The following MTA3 variants were observed in gnomAD, a reference collection of about 807,000 sequenced individuals.
MTA3 encodes metastasis-associated protein MTA3.
Under a neutral mutation model 83.5 loss-of-function variants are expected in MTA3, and 34 were observed. The observed-to-expected ratio is 0.41, with a 90% CI of 0.31 to 0.54. MTA3 has a LOEUF of 0.54. Ranked by LOEUF, MTA3 falls within the 20% of genes least tolerant of loss-of-function variation. MTA3 has a pLI of 0.33. For synonymous variants in MTA3, 303 were observed against 252.7 expected (o/e 1.20, Z -1.89); for missense variants, 761 against 726.4 (o/e 1.05, Z -0.55).
At chr2:42,692,535 G>A (rs150663835) in intron 9 of MTA3, among the ~76,000 whole-genome samples, 2,042 of 150,780 alleles carry the variant, frequency 0.014, 39 homozygotes, top group African/African-American at 0.046. Flanking sequence ...AGCAATTCTC[G>A]TGCCTCAGCC....
At chr2:42,650,259 G>A (rs1256688658) in intron 6 of MTA3, among the ~76,000 whole-genome samples, 1 of 152,128 alleles carries the variant, frequency 6.6e-6, no homozygotes, top group African/African-American at 2.4e-5. Context: ...GGTAGAGGTG[G>A]GAAGGGGCAC....
At chr2:42,640,940 T>C (rs2104300974) in intron 5 of MTA3, among the ~76,000 whole-genome samples, 2 of 152,286 alleles carry the variant, frequency 1.3e-5, no homozygotes, top group South Asian at 4.1e-4. Flanking sequence ...AAAGTCTTGC[T>C]CTGTCCCCCA....
intron 2 of MTA3, among the ~76,000 whole-genome samples, chr2:42,549,588 TTATATA>T (rs1677006129): frequency 8.4e-6 from 1 of 118,490 alleles, no homozygotes; most frequent in African/African-American, 3.5e-5. Context: ...ATATAATATA[TTATATA>T]CATATACATA....
intron 2 of MTA3, among the ~76,000 whole-genome samples, chr2:42,550,623 G>A (rs565913740): frequency 1.3e-5 from 2 of 152,174 alleles, no homozygotes; most frequent in Non-Finnish European, 2.9e-5. Context: ...GGGGAGAAAG[G>A]CGCTGGGACA....
chr2:42,690,549 C>T (rs1692783288), intron 9 of MTA3, among the ~76,000 whole-genome samples: 4 of 150,700 alleles, frequency 2.7e-5, no homozygotes, highest in Admixed American at 2.6e-4. Context: ...TTTTTGTTTT[C>T]CATTAATTTT....
At chr2:42,656,472 TTC>T (rs1297842985) in intron 7 of MTA3, among the ~76,000 whole-genome samples, 170 bp downstream of exon 7, 1 of 152,228 alleles carries the variant, frequency 6.6e-6, no homozygotes, top group Non-Finnish European at 1.5e-5. Flanking sequence ...TTTTATTAAT[TTC>T]TGTTTTAAAT....
intron 3 of MTA3, among the ~76,000 whole-genome samples, chr2:42,579,712 G>A (rs541067387): frequency 6.6e-6 from 1 of 152,154 alleles, no homozygotes; most frequent in African/African-American, 2.4e-5. Context: ...CCTGTTTTCA[G>A]TGGTGGATTT....
chr2:42,583,666 G>C (rs1202646741), intron 3 of MTA3, among the ~76,000 whole-genome samples: 1 of 151,968 alleles, frequency 6.6e-6, no homozygotes, highest in Non-Finnish European at 1.5e-5. Flanking sequence ...ATAGCTGAGA[G>C]TACACGCGCA....
At chr2:42,731,159 T>C (rs545132413) in intron 16 of MTA3, among the ~76,000 whole-genome samples, 35 of 152,352 alleles carry the variant, frequency 2.3e-4, no homozygotes, top group African/African-American at 8.4e-4. Flanking sequence ...ACCTTTTTGT[T>C]CCATTGACCT....
chr2:42,648,225 A>C (rs1318064355), intron 6 of MTA3, among the ~76,000 whole-genome samples: 7 of 152,320 alleles, frequency 4.6e-5, no homozygotes, highest in African/African-American at 1.7e-4. Context: ...CCACACTTGA[A>C]AAACATGGTC....
intron 3 of MTA3, among the ~76,000 whole-genome samples, chr2:42,600,708 T>C (rs901167077): frequency 6.6e-6 from 1 of 151,820 alleles, no homozygotes; most frequent in Admixed American, 6.6e-5. Flanking sequence ...ACCTGGCTGA[T>C]TTTTGTATTT....
At chr2:42,751,256 A>T (rs1052338142) in intron 16 of MTA3, among the ~76,000 whole-genome samples, 21 of 152,366 alleles carry the variant, frequency 1.4e-4, no homozygotes, top group African/African-American at 5.1e-4. Context: ...CAAAAAACAA[A>T]CAAACAAAAA....
At chr2:42,568,621 C>T (rs1678063697), upstream of MTA3, 3 of 499,696 alleles carry the variant, frequency 6.0e-6, no homozygotes, top group African/African-American at 4.1e-5. Flanking sequence ...CCCTTCCCTC[C>T]CTTCCCCCCC....
At chr2:42,712,368 G>A (rs375099971) in intron 14 of MTA3, among the ~76,000 whole-genome samples, 2 of 151,920 alleles carry the variant, frequency 1.3e-5, no homozygotes, top group Non-Finnish European at 2.9e-5. Context: ...TACCATCATA[G>A]CTCAGTGCAG....
chr2:42,522,223 G>C (rs7574541), intron 2 of MTA3, among the ~76,000 whole-genome samples: 54,655 of 151,934 alleles, frequency 0.36, 9,963 homozygotes, highest in South Asian at 0.41. Flanking sequence ...ACCACCCTCC[G>C]TCCCTGACTT....
At chr2:42,677,230 C>A (rs1691443445) in intron 8 of MTA3, among the ~76,000 whole-genome samples, 1 of 152,174 alleles carries the variant, frequency 6.6e-6, no homozygotes, top group Non-Finnish European at 1.5e-5. Context: ...CTCAATAATT[C>A]CCACGTGTTG....
intron 6 of MTA3, among the ~76,000 whole-genome samples, chr2:42,648,941 C>T (rs555901523): frequency 1.5e-3 from 234 of 152,162 alleles, no homozygotes; most frequent in Non-Finnish European, 2.8e-3. Context: ...AATGATTAAC[C>T]CCTCCAAGTT....
intron 2 of MTA3, among the ~76,000 whole-genome samples, chr2:42,521,751 CTTTT>C (rs35664371): frequency 3.8e-5 from 4 of 106,404 alleles, no homozygotes; most frequent in Non-Finnish European, 7.2e-5. Context: ...ATCTTTCTCT[CTTTT>C]TTTTTTTTTT....
rs562943594 is a variant in MTA3, at chr2:42,613,557, G to A, written c.317+3973G>A. ...CCTTATCTTTTTGGCTTTAAAAGGA[G>A]AAAATTATCAAAGCCCCATCGTTCT... On this transcript the variant is annotated intron_variant, in intron 4 of 16. Transcript: ENST00000405094. 10 of 152,276 alleles carry A rather than the reference G, an allele frequency of 6.6e-5. No individual in the cohort carries two copies. In the East Asian group the frequency reaches 1.9e-3, roughly 29 times the overall value. 9.4% of individuals were successfully genotyped at this position (152,276 alleles called of 1,614,324 possible).
Sources: gnomAD v4.1 joint callset for allele counts (sites outside exome capture counted in the v4.1 genomes callset) on GRCh38, gnomAD v4.1.1 for gene constraint, MANE v1.5 for transcripts, NCBI Gene and HGNC (gene_info 2026-07-23, HGNC 2026-07-21) for gene names.